The following CLNS1A variants were observed in gnomAD, a reference collection of about 807,000 sequenced individuals.
CLNS1A encodes the protein chloride nucleotide-sensitive channel 1A.
In CLNS1A, 16 loss-of-function variants were observed where a neutral mutation model predicts 29.4. The observed-to-expected ratio is 0.54, with a 90% CI of 0.37 to 0.83. CLNS1A has a LOEUF of 0.83. CLNS1A is among the 40% of genes least tolerant of loss of function. CLNS1A has a pLI of 0.00. For missense variants in CLNS1A, 235 were observed against 287.4 expected (o/e 0.82, Z 1.32); for synonymous variants, 96 against 104.8 (o/e 0.92, Z 0.51).
At chr11:77,622,294 TG>T (rs1958966213) in intron 5 of CLNS1A, among the ~76,000 whole-genome samples, 1 of 152,162 alleles carries the variant, frequency 6.6e-6, no homozygotes, top group African/African-American at 2.4e-5. Flanking sequence ...TTTTTGACTA[TG>T]AACAAAGACT....
intron 2 of CLNS1A, among the ~76,000 whole-genome samples, chr11:77,628,194 G>A (rs1014351719): frequency 3.9e-5 from 6 of 152,204 alleles, no homozygotes; most frequent in Admixed American, 3.9e-4. Context: ...TATTTCCTAA[G>A]CCTTTCTCTT....
chr11:77,619,512 A>G, intron 6 of CLNS1A, 94 bp downstream of exon 6: 1 of 829,188 alleles, frequency 1.2e-6, no homozygotes, highest in Admixed American at 2.0e-5. Flanking sequence ...TGACAGAGTA[A>G]GACCCTGTCT....
rs1160579373 is a variant in CLNS1A, at chr11:77,615,498, C to T, written c.*1220G>A. ...CCTCAACTATAAAGTGGGATAAAAG[C>T]GTATCTCATAAGATAATTAAGAATA... On this transcript the variant is annotated 3_prime_UTR_variant, in exon 7 of 7. Transcript: ENST00000525428. 2.0e-5 allele frequency: 3 copies of T among 152,090 alleles called. No homozygotes were observed. The East Asian group carries it at 5.8e-4, about 29-fold the overall frequency. 9.4% of individuals were successfully genotyped at this position (152,090 alleles called of 1,614,324 possible).
Position 77,637,724 on chromosome 11 carries a change from G to A in CLNS1A, c.-10C>T. On this transcript the variant is annotated 5_prime_UTR_variant, in exon 1 of 7. Coordinates refer to ENST00000525428, the MANE Select transcript of CLNS1A (RefSeq NM_001293.3). ...TTTTGAGGAAGCTCATAGCAGCAGAGTGCGGCAACACAGGCCCTGAGGGAG... is the reference window on the plus strand; with the variant it reads ...TTTTGAGGAAGCTCATAGCAGCAGAATGCGGCAACACAGGCCCTGAGGGAG... The A allele has an allele frequency of 1.3e-6, 2 of 1,553,910 alleles. No individual in the cohort carries two copies. The highest frequency in any genetic ancestry group is 1.2e-5 in the South Asian group (1 of 84,140).
At chr11:77,637,085 TAA>T (rs1018153974) in intron 1 of CLNS1A, among the ~76,000 whole-genome samples, 24 of 151,062 alleles carry the variant, frequency 1.6e-4, no homozygotes, top group African/African-American at 5.3e-4. Context: ...AACCAAACTT[TAA>T]AAGTCCTCCA....
At chr11:77,637,256 A>AAAAAAAAAAG (rs1235000324) in intron 1 of CLNS1A, among the ~76,000 whole-genome samples, 9 of 144,472 alleles carry the variant, frequency 6.2e-5, no homozygotes, top group African/African-American at 1.8e-4. Context: ...AAAAAAAAAA[A>AAAAAAAAAAG]AAAGAAAATA....
At chr11:77,635,594 A>G (rs1049165856) in intron 1 of CLNS1A, among the ~76,000 whole-genome samples, 1 of 151,504 alleles carries the variant, frequency 6.6e-6, no homozygotes, top group African/African-American at 2.4e-5. Context: ...CAGGTGATCC[A>G]CCCGCCTCAG....
At chr11:77,637,243 TAAAA>T (rs747109219) in intron 1 of CLNS1A, among the ~76,000 whole-genome samples, 12 of 43,162 alleles carry the variant, frequency 2.8e-4, no homozygotes, top group East Asian at 7.1e-4. Flanking sequence ...ATAGGCGAGT[TAAAA>T]AAAAAAAAAA....
At position 77,637,114 on chromosome 11, in the gene CLNS1A, T is replaced by C. The variant is rs540655221; in HGVS notation, c.125+476A>G. Among the ~76,000 whole-genome samples the C allele has an allele frequency of 1.7e-4, 26 of 151,340 alleles. No individual in the cohort carries two copies. In the East Asian group the frequency reaches 5.1e-3, roughly 29 times the overall value. The stretch of plus-strand genomic sequence containing the variant: ...AGTCCTCCACAGTCGGCTCTGAAAC[T>C]ACGTATCCCAGAGAGGGGAACATCT... On this transcript the variant is annotated intron_variant, in intron 1 of 6. Transcript: ENST00000525428.
chr11:77,629,858 A>G lies in CLNS1A; in HGVS notation c.167T>C (p.Leu56Pro). 6.2e-7 allele frequency: 1 copy of G among 1,613,976 alleles called. No homozygotes were observed. The highest frequency in any genetic ancestry group is 8.5e-7 in the Non-Finnish European group (1 of 1,179,860). The change falls in exon 2 of 7, where the codon CTG becomes CCG. Residue 56 changes from leucine (L) to proline (P), a missense_variant. Transcript: ENST00000525428. ...WLDGSGLGFS[L>P]EYPTISLHAL... ...ATGTAAACTAATGGTGGGGTATTCC[A>G]GTGAGAATCCTAATCCAGAGCCATC...
chr11:77,631,160 G>A (rs1386422795), intron 1 of CLNS1A, among the ~76,000 whole-genome samples: 4 of 152,104 alleles, frequency 2.6e-5, no homozygotes, highest in Non-Finnish European at 5.9e-5. Context: ...ATGTTCAGTG[G>A]AAGGGGAGGA....
rs201768431 is a variant in CLNS1A, at chr11:77,623,006, C to T, written c.473-333G>A. Among the ~76,000 whole-genome samples the T allele has an allele frequency of 3.3e-5, 5 of 150,630 alleles. No homozygotes were observed. The East Asian group carries it at 5.9e-4, about 18-fold the overall frequency. On this transcript the variant is annotated intron_variant, in intron 4 of 6. Transcript: ENST00000525428. ...ATAATATACTGTCCAAATAGGCTTC[C>T]AGGAAGATACTTTTGAACATTTATT...
intron 3 of CLNS1A, 51 bp downstream of exon 3, chr11:77,625,665 TG>T: frequency 2.0e-6 from 3 of 1,505,892 alleles, no homozygotes; most frequent in Admixed American, 2.0e-5. Flanking sequence ...GTGTGTCAAT[TG>T]GGAATGCTTG....
chr11:77,631,190 C>A (rs912751560), intron 1 of CLNS1A, among the ~76,000 whole-genome samples: 1 of 152,094 alleles, frequency 6.6e-6, no homozygotes, highest in African/African-American at 2.4e-5. Context: ...CACCTCAGTT[C>A]CCCTAAATGA....
rs550704341 is a variant in CLNS1A at position 77,629,148 on chromosome 11, G to A, written c.262+615C>T. Among the ~76,000 whole-genome samples, 3 of 152,088 alleles carry A rather than the reference G, an allele frequency of 2.0e-5. No individual in the cohort carries two copies. The East Asian group carries it at 5.8e-4, about 29-fold the overall frequency. ...GGGTATACTGATCCAAGCCCCTAAG[G>A]GTGCCTTTTAAAAAGAGAAAGGCAG... On this transcript the variant is annotated intron_variant, in intron 2 of 6. Transcript: ENST00000525428.
chr11:77,618,480 G>A (rs1194921161), intron 6 of CLNS1A: 1 of 152,132 alleles, frequency 6.6e-6, no homozygotes, highest in African/African-American at 2.4e-5. Flanking sequence ...ACTGACAAAA[G>A]TAAATGTGGA....
At chr11:77,623,282 C>T (rs972348747) in intron 4 of CLNS1A, among the ~76,000 whole-genome samples, 1 of 152,006 alleles carries the variant, frequency 6.6e-6, no homozygotes, top group Non-Finnish European at 1.5e-5. Flanking sequence ...GATTAAAAAA[C>T]ATGCTCCTTT....
Position 77,614,708 on chromosome 11 carries a change from C to G in CLNS1A, c.*2010G>C, listed in dbSNP as rs149454978. 301 of 152,246 alleles carry G rather than the reference C, an allele frequency of 2.0e-3. No individual in the cohort carries two copies. The highest frequency in any genetic ancestry group is 6.8e-3 in the African/African-American group (284 of 41,548). The allele number at this position is 152,246 out of a possible 1,614,324, so 9.4% of individuals were successfully genotyped here. A position where few individuals can be genotyped will look rare whatever the true frequency, so the allele number is the denominator to read the frequency against. On this transcript the variant is annotated 3_prime_UTR_variant, in exon 7 of 7. Coordinates refer to ENST00000525428, the MANE Select transcript of CLNS1A (RefSeq NM_001293.3). Reference sequence around the variant, plus strand: ...GAACCTAGAACAGAGAACCATTAACCCTAGCTTTTAGGAACATTTAGATGA... The same window carrying G: ...GAACCTAGAACAGAGAACCATTAACGCTAGCTTTTAGGAACATTTAGATGA...
intron 6 of CLNS1A, 29 bp from the exon 7 acceptor site, chr11:77,616,724 C>T (rs1958908572): frequency 6.6e-6 from 1 of 152,304 alleles, no homozygotes; most frequent in Admixed American, 6.5e-5. Flanking sequence ...ACAGTGTTTA[C>T]AGTAGTGATA....
Sources: allele counts gnomAD v4.1 joint callset (sites outside exome capture counted in the v4.1 genomes callset), GRCh38; gene constraint gnomAD v4.1.1; transcripts MANE v1.5; gene names NCBI Gene and HGNC (gene_info 2026-07-23, HGNC 2026-07-21).